Variants in CTNNA2 observed in about 807,000 individuals in gnomAD.
CTNNA2 encodes the protein catenin alpha-2.
Under a neutral mutation model 101.0 loss-of-function variants are expected in CTNNA2, and 42 were observed. That is an observed-to-expected ratio of 0.42 (90% CI 0.32 to 0.54). The LOEUF (loss-of-function observed/expected upper bound fraction) is 0.54. Ranked by LOEUF, CTNNA2 falls within the 20% of genes least tolerant of loss-of-function variation. The probability of loss-of-function intolerance (pLI) is 0.14; values close to 1 mark genes in which losing one functional copy is unlikely to be tolerated. For missense variants in CTNNA2, 871 were observed against 1,223.1 expected, an observed-to-expected ratio of 0.71 and a Z score of 4.29; for synonymous variants, 450 against 456.4, an observed-to-expected ratio of 0.99 and a Z score of 0.18.
chr2:80,057,961 A>T (rs1697339626), intron 7 of CTNNA2, among the ~76,000 whole-genome samples: 1 of 152,218 alleles, frequency 6.6e-6, no homozygotes, highest in African/African-American at 2.4e-5. Context: ...ATGAGAACAA[A>T]AAAACAACCT....
At chr2:79,555,576 C>T (rs1382323019) in intron 1 of CTNNA2, among the ~76,000 whole-genome samples, 2 of 152,058 alleles carry the variant, frequency 1.3e-5, no homozygotes, top group Non-Finnish European at 2.9e-5. Flanking sequence ...TTCTCAAATG[C>T]TATTAAAACA....
At position 80,186,992 on chromosome 2, in the gene CTNNA2, C is replaced by A. The variant is rs572046845; in HGVS notation, c.1057-206219C>A. ...CTTACACTGGATAGCATATTAAACA[C>A]CTTGGTGAATTATGGTGCTTGCTCC... On this transcript the variant is annotated intron_variant, in intron 7 of 18. Coordinates refer to ENST00000402739, the MANE Select transcript of CTNNA2 (RefSeq NM_001282597.3). Among the ~76,000 whole-genome samples the A allele has an allele frequency of 2.0e-5, 3 of 152,262 alleles. No homozygotes were observed. In the South Asian group the frequency reaches 6.2e-4, roughly 32 times the overall value.
At chr2:80,263,043 T>G (rs912777980) in intron 7 of CTNNA2, among the ~76,000 whole-genome samples, 1 of 152,184 alleles carries the variant, frequency 6.6e-6, no homozygotes, top group Non-Finnish European at 1.5e-5. Flanking sequence ...TTCTTTAGAC[T>G]AATTTTAGAA....
intron 7 of CTNNA2, among the ~76,000 whole-genome samples, chr2:80,058,444 T>C (rs980369116): frequency 2.0e-5 from 3 of 152,196 alleles, no homozygotes; most frequent in African/African-American, 7.2e-5. Flanking sequence ...TTCTGCTATA[T>C]TGTTTTGATA....
chr2:79,831,311 G>C (rs1420995835), intron 3 of CTNNA2, among the ~76,000 whole-genome samples: 1 of 152,046 alleles, frequency 6.6e-6, no homozygotes, highest in East Asian at 1.9e-4. Flanking sequence ...CTCGAGGTTT[G>C]TATGGTAGAG....
At chr2:79,872,128 C>T (rs1396818389) in intron 5 of CTNNA2, among the ~76,000 whole-genome samples, 1 of 152,034 alleles carries the variant, frequency 6.6e-6, no homozygotes, top group East Asian at 1.9e-4. Flanking sequence ...TACAAATATG[C>T]GTATTGTGTT....
Position 80,629,878 on chromosome 2 carries a change from T to C in CTNNA2, c.2574+10650T>C, listed in dbSNP as rs1045856234. 2.0e-5 allele frequency among the ~76,000 whole-genome samples: 3 copies of C among 152,168 alleles called. No homozygotes were observed. The South Asian group carries it at 6.2e-4, about 32-fold the overall frequency. On this transcript the variant is annotated intron_variant, in intron 18 of 18. Coordinates refer to ENST00000402739, the MANE Select transcript of CTNNA2 (RefSeq NM_001282597.3). ...ATGAGAACCATAGGACTGGTTGAAATCTTGACCTTTCACCTAGGATAAACA... is the reference window on the plus strand; with the variant it reads ...ATGAGAACCATAGGACTGGTTGAAACCTTGACCTTTCACCTAGGATAAACA...
At chr2:80,524,700 C>T (rs1433173627) in intron 9 of CTNNA2, among the ~76,000 whole-genome samples, 1 of 152,162 alleles carries the variant, frequency 6.6e-6, no homozygotes, top group Non-Finnish European at 1.5e-5. Flanking sequence ...CCTTCCCCAT[C>T]TTAGGGTCTG....
chr2:79,186,849 G>A (rs772942577), intron 1 of CTNNA2, among the ~76,000 whole-genome samples: 4 of 152,148 alleles, frequency 2.6e-5, no homozygotes, highest in African/African-American at 9.7e-5. Context: ...TTTTCATTGC[G>A]CATGAAAGCA....
chr2:79,993,492 A>G (rs7585271), intron 7 of CTNNA2, among the ~76,000 whole-genome samples: 4,901 of 152,334 alleles, frequency 0.032, 258 homozygotes, highest in African/African-American at 0.11. Context: ...ATCTCATCAA[A>G]GATGCAGTAT....
At chr2:80,392,198 C>T (rs545332757) in intron 7 of CTNNA2, among the ~76,000 whole-genome samples, 1 of 152,294 alleles carries the variant, frequency 6.6e-6, no homozygotes, top group South Asian at 2.1e-4. Context: ...AACTTAAGAT[C>T]TGGGATCTCA....
intron 7 of CTNNA2, among the ~76,000 whole-genome samples, chr2:80,171,656 GGTT>G (rs1418818005): frequency 6.6e-6 from 1 of 152,104 alleles, no homozygotes; most frequent in Admixed American, 6.6e-5. Flanking sequence ...CTGATTCCCA[GGTT>G]GTTGTAATGA....
chr2:79,913,039 A>G (rs888938762), intron 7 of CTNNA2, among the ~76,000 whole-genome samples: 1 of 152,206 alleles, frequency 6.6e-6, no homozygotes, highest in African/African-American at 2.4e-5. Flanking sequence ...CTGGGGATAC[A>G]GAAAGTACCA....
chr2:80,393,437 C>T lies in CTNNA2; in HGVS notation c.1137+146C>T, dbSNP rs529805119. ...TATACAAATAAAAACCCCATTTTAT[C>T]GGCAAGGTAGAGATTGCTGGACAGA... On this transcript the variant is annotated intron_variant, in intron 8 of 18. Transcript: ENST00000402739. 8.3e-5 allele frequency: 50 copies of T among 602,344 alleles called. No homozygotes were observed. In the South Asian group the frequency reaches 8.6e-4, roughly 10 times the overall value. 37.3% of individuals were successfully genotyped at this position (602,344 alleles called of 1,614,324 possible).
intron 6 of CTNNA2, among the ~76,000 whole-genome samples, chr2:79,876,293 T>A (rs1683018679): frequency 6.6e-6 from 1 of 152,186 alleles, no homozygotes; most frequent in African/African-American, 2.4e-5. Flanking sequence ...AATGAGCAGG[T>A]CATACACACA....
In CTNNA2 at chr2:79,926,955, A is replaced by G. The variant is rs148604765; in HGVS notation, c.1056+17158A>G. On this transcript the variant is annotated intron_variant, in intron 7 of 18. Transcript: ENST00000402739. ...GAGAGAGAGCTGGGTTGAGATACTGAATTATTCATGACAGAAGTAGAGCTT... is the reference window on the plus strand; with the variant it reads ...GAGAGAGAGCTGGGTTGAGATACTGGATTATTCATGACAGAAGTAGAGCTT... Among the ~76,000 whole-genome samples the G allele has an allele frequency of 5.9e-3, 893 of 152,254 alleles. 6 individuals carry two copies. Among genetic ancestry groups the G allele is most frequent in the African/African-American group, 0.02 (842 of 41,548 alleles).
intron 7 of CTNNA2, among the ~76,000 whole-genome samples, chr2:80,362,720 C>G (rs1040634850): frequency 1.3e-5 from 2 of 152,028 alleles, no homozygotes; most frequent in African/African-American, 4.8e-5. Flanking sequence ...TGGAGTTGAA[C>G]ATTTACTCTC....
At chr2:79,405,360 C>G (rs1255849403) in intron 4 of CTNNA2, among the ~76,000 whole-genome samples, 1 of 152,080 alleles carries the variant, frequency 6.6e-6, no homozygotes, top group Non-Finnish European at 1.5e-5. Flanking sequence ...GATTCTTGCT[C>G]TGTCACCCAG....
At chr2:79,753,867 C>CTTTT (rs1170637332) in intron 3 of CTNNA2, among the ~76,000 whole-genome samples, 22 of 134,906 alleles carry the variant, frequency 1.6e-4, no homozygotes, top group African/African-American at 5.4e-4. Flanking sequence ...CTTTTTCTCT[C>CTTTT]TTTTTTTTTT....
Sources: allele counts gnomAD v4.1 joint callset (sites outside exome capture counted in the v4.1 genomes callset), GRCh38; gene constraint gnomAD v4.1.1; transcripts MANE v1.5; gene names NCBI Gene and HGNC (gene_info 2026-07-23, HGNC 2026-07-21).